The following TRDN variants were observed in gnomAD, a reference collection of about 807,000 sequenced individuals.
The protein encoded by TRDN is triadin.
Under a neutral mutation model 149.7 loss-of-function variants are expected in TRDN, and 161 were observed. That is an observed-to-expected ratio of 1.08 (90% CI 0.95 to 1.23). TRDN has a LOEUF of 1.23. Among genes scored for constraint, TRDN ranks in the 50% most tolerant of loss-of-function variants. The pLI is 0.00. For missense variants in TRDN, 896 were observed against 823.5 expected, an observed-to-expected ratio of 1.09 and a Z score of -1.08; for synonymous variants, 294 against 250.5, an observed-to-expected ratio of 1.17 and a Z score of -1.64.
At chr6:123,285,143 T>C (rs180907268) in intron 24 of TRDN, among the ~76,000 whole-genome samples, 5 of 152,050 alleles carry the variant, frequency 3.3e-5, no homozygotes, top group Non-Finnish European at 5.9e-5. Context: ...TTCAGTTCAA[T>C]TCCCATCAAA....
At chr6:123,543,040 A>G (rs1347653213) in intron 4 of TRDN, among the ~76,000 whole-genome samples, 1 of 152,198 alleles carries the variant, frequency 6.6e-6, no homozygotes, top group Non-Finnish European at 1.5e-5. Flanking sequence ...TATTAATAAC[A>G]TCATATAAAG....
intron 1 of TRDN, among the ~76,000 whole-genome samples, chr6:123,614,290 A>AAAACAAAAAC: frequency 2.4e-5 from 3 of 127,592 alleles, no homozygotes; most frequent in African/African-American, 4.5e-5. Flanking sequence ...TGCTTCATTA[A>AAAACAAAAAC]AAAAAAAAAC....
intron 1 of TRDN, among the ~76,000 whole-genome samples, chr6:123,629,061 T>C (rs1443824929): frequency 6.6e-6 from 1 of 152,100 alleles, no homozygotes; most frequent in Non-Finnish European, 1.5e-5. Flanking sequence ...GTCAATAATA[T>C]ATAGGTTAAA....
chr6:123,564,222 C>G (rs1468097387), intron 2 of TRDN, among the ~76,000 whole-genome samples: 1 of 151,954 alleles, frequency 6.6e-6, no homozygotes, highest in Non-Finnish European at 1.5e-5. Flanking sequence ...CCAAGAGGAC[C>G]AAATAGGCCT....
chr6:123,398,151 T>A (rs1053666515), intron 12 of TRDN, among the ~76,000 whole-genome samples: 3 of 152,174 alleles, frequency 2.0e-5, no homozygotes, highest in Non-Finnish European at 4.4e-5. Flanking sequence ...ATTACAGGCG[T>A]CCGCCACTGC....
At chr6:123,269,828 G>A (rs747986124) in intron 31 of TRDN, 21 bp downstream of exon 31, 1 of 1,608,786 alleles carries the variant, frequency 6.2e-7, no homozygotes, top group Non-Finnish European at 8.5e-7. Context: ...TTTCTCAGGT[G>A]TTATTCTATT....
chr6:123,457,622 C>T (rs185603243), intron 10 of TRDN: 11 of 435,672 alleles, frequency 2.5e-5, no homozygotes, highest in Admixed American at 2.4e-4. Context: ...AGAAAATTTA[C>T]TCAACAGTTA....
intron 4 of TRDN, among the ~76,000 whole-genome samples, chr6:123,534,911 G>A (rs1780447372): frequency 6.6e-6 from 1 of 152,118 alleles, no homozygotes; most frequent in African/African-American, 2.4e-5. Context: ...AGAAAGGCAA[G>A]GCAGTCATTA....
At chr6:123,290,189 C>G (rs1030684002) in intron 24 of TRDN, among the ~76,000 whole-genome samples, 1 of 152,186 alleles carries the variant, frequency 6.6e-6, no homozygotes, top group Admixed American at 6.5e-5. Context: ...CTATGGAATC[C>G]CCTTCCCTGT....
chr6:123,563,114 T>A (rs982017745), intron 2 of TRDN, among the ~76,000 whole-genome samples: 1 of 152,262 alleles, frequency 6.6e-6, no homozygotes, highest in Non-Finnish European at 1.5e-5. Context: ...TATTTCAGTA[T>A]ATAATTGTTT....
At chr6:123,477,680 A>G (rs1777555168) in intron 9 of TRDN, among the ~76,000 whole-genome samples, 1 of 152,092 alleles carries the variant, frequency 6.6e-6, no homozygotes, top group Non-Finnish European at 1.5e-5. Flanking sequence ...ACAATGATAG[A>G]CTGGATTAAG....
intron 4 of TRDN, among the ~76,000 whole-genome samples, chr6:123,532,983 G>C (rs4142960): frequency 0.56 from 84,499 of 151,482 alleles, 24,021 homozygotes; most frequent in East Asian, 0.75. Context: ...TTGCTCCCTC[G>C]TCTCCAAGCC....
At chr6:123,477,982 C>T (rs1032132545) in intron 9 of TRDN, among the ~76,000 whole-genome samples, 3 of 151,360 alleles carry the variant, frequency 2.0e-5, no homozygotes, top group East Asian at 3.9e-4. Flanking sequence ...GTGGGTGCAG[C>T]GCACCAGCAT....
At chr6:123,482,091 T>C (rs1777774878) in intron 9 of TRDN, among the ~76,000 whole-genome samples, 1 of 152,228 alleles carries the variant, frequency 6.6e-6, no homozygotes, top group Non-Finnish European at 1.5e-5. Flanking sequence ...TTTTTTCTGT[T>C]TTTTGGCTCC....
chr6:123,610,912 G>C (rs1299585745), intron 1 of TRDN, among the ~76,000 whole-genome samples: 1 of 152,126 alleles, frequency 6.6e-6, no homozygotes, highest in East Asian at 1.9e-4. Flanking sequence ...AGATTTGAGA[G>C]GCCCCAAAGT....
In TRDN at chr6:123,269,855, G is replaced by A. The variant is rs1302102567; in HGVS notation, c.1732C>T (p.Pro578Ser). Residue 578 changes from proline to serine, a missense_variant, in exon 31 of 41, where the codon CCA becomes TCA. Physicochemically the swap from Pro to Ser is moderately conservative, Grantham distance 74. Transcript: ENST00000334268. The stretch of plus-strand genomic sequence containing the variant: ...TATTCTATTCATCTCTTACTTGTTG[G>A]TTTGGGCTTGGCTGTGGAGAATGGA... ...VTIEKTAKPKPTKKAEHRERE... is the reference protein window; with the variant it reads ...VTIEKTAKPKSTKKAEHRERE... 1 of 1,610,558 alleles carries A rather than the reference G, an allele frequency of 6.2e-7. No homozygotes were observed. The highest frequency in any genetic ancestry group is 8.5e-7 in the Non-Finnish European group (1 of 1,178,102).
chr6:123,295,985 T>C (rs1404164259), intron 24 of TRDN, among the ~76,000 whole-genome samples: 2 of 150,850 alleles, frequency 1.3e-5, no homozygotes, highest in Non-Finnish European at 3.0e-5. Context: ...AAAAAAAAGA[T>C]GAATGAATGG....
At chr6:123,478,965 A>T (rs1259970817) in intron 9 of TRDN, among the ~76,000 whole-genome samples, 1 of 152,174 alleles carries the variant, frequency 6.6e-6, no homozygotes, top group Non-Finnish European at 1.5e-5. Context: ...AGTAGACAAT[A>T]AACAACTTAA....
chr6:123,522,517 C>CTTTTTTT (rs375665403), intron 5 of TRDN, among the ~76,000 whole-genome samples: 3 of 87,220 alleles, frequency 3.4e-5, no homozygotes, highest in East Asian at 3.5e-4. Flanking sequence ...TGCGGTTCCT[C>CTTTTTTT]TTTTTTTTTT....
Sources: gnomAD v4.1 joint callset for allele counts (sites outside exome capture counted in the v4.1 genomes callset) on GRCh38, gnomAD v4.1.1 for gene constraint, MANE v1.5 for transcripts, NCBI Gene and HGNC (gene_info 2026-07-23, HGNC 2026-07-21) for gene names.